The following RIMS2 variants were observed in gnomAD, a reference collection of about 807,000 sequenced individuals.
RIMS2 encodes the protein regulating synaptic membrane exocytosis 2.
A neutral mutation model predicts 174.4 loss-of-function variants in RIMS2; 59 were observed. The observed-to-expected ratio is 0.34, with a 90% CI of 0.27 to 0.42. The LOEUF (loss-of-function observed/expected upper bound fraction) is 0.42. RIMS2 is among the 10% of genes least tolerant of loss of function. RIMS2 has a pLI of 1.00. For missense variants in RIMS2, 1,620 were observed against 1,666.3 expected, an observed-to-expected ratio of 0.97 and a Z score of 0.48; for synonymous variants, 606 against 572.5, an observed-to-expected ratio of 1.06 and a Z score of -0.84.
At chr8:104,056,693 G>T (rs1267287666) in intron 19 of RIMS2, among the ~76,000 whole-genome samples, 1 of 152,034 alleles carries the variant, frequency 6.6e-6, no homozygotes, top group African/African-American at 2.4e-5. Context: ...ACCAGCCGGG[G>T]AAACATAGCG....
chr8:103,869,292 T>C (rs2099098867), intron 3 of RIMS2, among the ~76,000 whole-genome samples: 1 of 151,734 alleles, frequency 6.6e-6, no homozygotes, highest in Non-Finnish European at 1.5e-5. Flanking sequence ...GCCTCCTGGG[T>C]TCAAGCTAGT....
chr8:103,523,912 TGA>T (rs1466729871), intron 1 of RIMS2, among the ~76,000 whole-genome samples: 1 of 152,172 alleles, frequency 6.6e-6, no homozygotes, highest in African/African-American at 2.4e-5. Context: ...CCTATAGGTA[TGA>T]GTTATAATTC....
chr8:103,668,653 G>GATTTATTTATTTATTTATTTATTT (rs139537432), intron 1 of RIMS2, among the ~76,000 whole-genome samples: 1 of 149,084 alleles, frequency 6.7e-6, no homozygotes, highest in Non-Finnish European at 1.5e-5. Context: ...GAGTATAGAC[G>GATTTATTTATTTATTTATTTATTT]ATTTATTTAT....
intron 19 of RIMS2, among the ~76,000 whole-genome samples, chr8:104,108,724 A>T (rs1267532282): frequency 6.6e-6 from 1 of 152,146 alleles, no homozygotes; most frequent in African/African-American, 2.4e-5. Flanking sequence ...GTCTTCTGGG[A>T]CTTTCTATGA....
intron 1 of RIMS2, among the ~76,000 whole-genome samples, chr8:103,604,845 AT>A (rs1355753073): frequency 2.3e-5 from 2 of 85,552 alleles, no homozygotes; most frequent in East Asian, 5.4e-4. Flanking sequence ...TTGTACATTG[AT>A]TTTGTATCCT....
Position 103,961,025 on chromosome 8 carries a change from G to A in RIMS2, c.2702-40G>A, listed in dbSNP as rs776124107. 8 of 1,033,426 alleles carry A rather than the reference G, an allele frequency of 7.7e-6. No individual in the cohort carries two copies. In the Admixed American group the frequency reaches 1.1e-4, roughly 14 times the overall value. The allele number at this position is 1,033,426 out of a possible 1,614,324, so 64.0% of individuals were successfully genotyped here. A position where few individuals can be genotyped will look rare whatever the true frequency, so the allele number is the denominator to read the frequency against. ...TGTTTGAGGAATTTTCTTCCTTAGA[G>A]AATCAGAATTTTTAATTATTGCTAT... is the stretch of plus-strand genomic sequence containing the variant. On this transcript the variant is annotated intron_variant, in intron 14 of 23. Transcript: ENST00000504942.
intron 1 of RIMS2, among the ~76,000 whole-genome samples, chr8:103,634,421 G>A (rs190524845): frequency 3.1e-4 from 47 of 152,184 alleles, no homozygotes; most frequent in African/African-American, 1.1e-3. Flanking sequence ...CATTTGTTGA[G>A]GATTATTTTA....
chr8:103,803,630 T>C (rs760511700), intron 3 of RIMS2, among the ~76,000 whole-genome samples: 2 of 152,202 alleles, frequency 1.3e-5, no homozygotes, highest in Non-Finnish European at 2.9e-5. Context: ...TTCTAGCTAG[T>C]AGAGTATGGC....
chr8:103,992,274 A>ATTTTTTTTTTTTTTTTTTTTTTTTTTTT (rs1186537194), intron 17 of RIMS2, among the ~76,000 whole-genome samples: 1 of 107,106 alleles, frequency 9.3e-6, no homozygotes, highest in Non-Finnish European at 1.8e-5. Context: ...ATGTCCAGCT[A>ATTTTTTTTTTTTTTTTTTTTTTTTTTTT]TTTTTTTTTT....
At chr8:103,583,530 T>C (rs1475678487) in intron 1 of RIMS2, among the ~76,000 whole-genome samples, 1 of 152,146 alleles carries the variant, frequency 6.6e-6, no homozygotes, top group Non-Finnish European at 1.5e-5. Flanking sequence ...ACACAGCTAT[T>C]TTGAAATCAA....
chr8:103,893,832 C>T (rs997392099), intron 4 of RIMS2, among the ~76,000 whole-genome samples: 4 of 152,166 alleles, frequency 2.6e-5, no homozygotes, highest in Non-Finnish European at 5.9e-5. Flanking sequence ...CAGTGCTGCT[C>T]AGCAACTACA....
chr8:104,148,699 T>C (rs1446702081), intron 19 of RIMS2: 24 of 1,598,332 alleles, frequency 1.5e-5, no homozygotes, highest in Non-Finnish European at 2.0e-5. Context: ...ATGTGCTCAC[T>C]GGAGAAGAAT....
chr8:103,685,922 G>C (rs548022631), intron 1 of RIMS2, among the ~76,000 whole-genome samples: 1 of 152,204 alleles, frequency 6.6e-6, no homozygotes, highest in South Asian at 2.1e-4. Flanking sequence ...GAAGAGAATT[G>C]TGATCTTAAC....
At chr8:103,699,220 T>G (rs949792846) in intron 2 of RIMS2, among the ~76,000 whole-genome samples, 1 of 152,168 alleles carries the variant, frequency 6.6e-6, no homozygotes, top group Non-Finnish European at 1.5e-5. Context: ...ATTTGTATCT[T>G]TTTTGTTCCT....
At chr8:103,940,906 G>C (rs1030551357) in intron 13 of RIMS2, among the ~76,000 whole-genome samples, 1 of 149,622 alleles carries the variant, frequency 6.7e-6, no homozygotes, top group Non-Finnish European at 1.5e-5. Context: ...AAAATCCCTT[G>C]TGTGACCTTT....
At chr8:103,822,408 A>G (rs182034455) in intron 3 of RIMS2, among the ~76,000 whole-genome samples, 67 of 149,716 alleles carry the variant, frequency 4.5e-4, no homozygotes, top group Non-Finnish European at 7.3e-4. Context: ...AGATTTTTAA[A>G]CCAACCAATA....
chr8:103,619,709 GACCA>G (rs1206885285), intron 1 of RIMS2, among the ~76,000 whole-genome samples: 1 of 152,058 alleles, frequency 6.6e-6, no homozygotes, highest in Non-Finnish European at 1.5e-5. Flanking sequence ...ACAGAACAAA[GACCA>G]ACCATTTTCT....
chr8:103,753,140 A>G (rs1043907600), intron 2 of RIMS2, among the ~76,000 whole-genome samples: 2 of 151,070 alleles, frequency 1.3e-5, no homozygotes, highest in African/African-American at 4.8e-5. Flanking sequence ...AGTTTTTAGC[A>G]TGAAGGGTAG....
intron 1 of RIMS2, among the ~76,000 whole-genome samples, chr8:103,679,585 G>A (rs1233517142): frequency 1.3e-5 from 2 of 151,966 alleles, no homozygotes; most frequent in African/African-American, 4.8e-5. Flanking sequence ...AGGAACAGCA[G>A]TAAATATGAA....
Sources: allele counts gnomAD v4.1 joint callset (sites outside exome capture counted in the v4.1 genomes callset), GRCh38; gene constraint gnomAD v4.1.1; transcripts MANE v1.5; gene names NCBI Gene and HGNC (gene_info 2026-07-23, HGNC 2026-07-21).